Variants in PLCL2 observed in about 807,000 individuals in gnomAD.
PLCL2 encodes inactive phospholipase C-like protein 2.
Under a neutral mutation model 79.6 loss-of-function variants are expected in PLCL2, and 4 were observed. The ratio of observed to expected loss-of-function variants is 0.05; its 90% CI spans 0.02 to 0.11. The LOEUF (loss-of-function observed/expected upper bound fraction) is 0.11, where lower values mean the gene tolerates loss of function less well. Ranked by LOEUF, PLCL2 falls within the 10% of genes least tolerant of loss-of-function variation. The pLI is 1.00. For missense variants in PLCL2, 895 were observed against 1,291.0 expected, an observed-to-expected ratio of 0.69 and a Z score of 4.70; for synonymous variants, 484 against 457.7, an observed-to-expected ratio of 1.06 and a Z score of -0.73.
Position 17,067,938 on chromosome 3 carries a change from C to CT in PLCL2, c.3095-12dup. 1 of 1,475,882 alleles carries CT rather than the reference C, an allele frequency of 6.8e-7. No homozygotes were observed. The highest frequency in any genetic ancestry group is 9.4e-7 in the Non-Finnish European group (1 of 1,060,910). 91.4% of individuals were successfully genotyped at this position (1,475,882 alleles called of 1,614,324 possible). ...TTGGATGGGAGTTAATATACTTTGTCTTTTTTATTTCTTTCAGCCATGGAA... is the reference window on the plus strand; with the variant it reads ...TTGGATGGGAGTTAATATACTTTGTCTTTTTTTATTTCTTTCAGCCATGGAA... On this transcript the variant is annotated splice_polypyrimidine_tract_variant and intron_variant, in intron 4 of 5. Transcript: ENST00000615277.
chr3:16,903,990 GC>G (rs1330262476), intron 1 of PLCL2, among the ~76,000 whole-genome samples: 1 of 152,174 alleles, frequency 6.6e-6, no homozygotes, highest in East Asian at 1.9e-4. Context: ...AAAAAATTCA[GC>G]TTTTGTGATC....
At chr3:16,905,759 GCT>G (rs1696735507) in intron 1 of PLCL2, among the ~76,000 whole-genome samples, 3 of 152,218 alleles carry the variant, frequency 2.0e-5, no homozygotes, top group Admixed American at 2.0e-4. Flanking sequence ...AGCAGCTCTA[GCT>G]CACTGTTTAG....
At position 16,904,306 on chromosome 3, in the gene PLCL2, C is replaced by CAAAAAAAAAAAAAAAAAAAAAAAAAAA. The variant is rs547582289; in HGVS notation, c.327+18951_327+18952insAAAAAAAAAAAAAAAAAAAAAAAAAAA. Among the ~76,000 whole-genome samples, 9 of 116,106 alleles carry CAAAAAAAAAAAAAAAAAAAAAAAAAAA rather than the reference C, an allele frequency of 7.8e-5. 1 individual carries two copies. The highest frequency in any genetic ancestry group is 1.7e-4 in the Admixed American group (2 of 11,442). 76.2% of individuals were successfully genotyped at this position (116,106 alleles called of 152,430 possible). ...CCTTAACCTTTTCAAGAGATCTTGA[C>CAAAAAAAAAAAAAAAAAAAAAAAAAAA]AAAAAAAAAAAGCAAACTTTGGAGT... On this transcript the variant is annotated intron_variant, in intron 1 of 5. Coordinates refer to ENST00000615277, the MANE Select transcript of PLCL2 (RefSeq NM_001144382.2).
chr3:16,911,209 C>T (rs545236295), intron 1 of PLCL2, among the ~76,000 whole-genome samples: 4 of 148,070 alleles, frequency 2.7e-5, no homozygotes, highest in Non-Finnish European at 5.9e-5. Flanking sequence ...GCCGAGATAG[C>T]GCCACTGTAT....
chr3:17,085,876 A>G (rs1157533334), intron 5 of PLCL2, among the ~76,000 whole-genome samples: 2 of 152,240 alleles, frequency 1.3e-5, no homozygotes, highest in Non-Finnish European at 2.9e-5. Flanking sequence ...TATGACTTAT[A>G]TGAGGAAAAC....
intron 5 of PLCL2, among the ~76,000 whole-genome samples, chr3:17,083,772 A>C (rs183318790): frequency 1.3e-5 from 2 of 152,300 alleles, no homozygotes; most frequent in African/African-American, 4.8e-5. Flanking sequence ...GAATAATGAC[A>C]CCAGGGTCCT....
chr3:17,086,671 C>T (rs890397532), intron 5 of PLCL2, among the ~76,000 whole-genome samples: 1 of 152,170 alleles, frequency 6.6e-6, no homozygotes, highest in Admixed American at 6.5e-5. Context: ...AAAATACTTG[C>T]AAAGGACACA....
chr3:16,957,500 A>G (rs2063717345), intron 1 of PLCL2, among the ~76,000 whole-genome samples: 1 of 152,094 alleles, frequency 6.6e-6, no homozygotes, highest in South Asian at 2.1e-4. Flanking sequence ...AAAAATGTAT[A>G]TTCTGTTGAT....
In PLCL2 at chr3:17,044,905, G is replaced by A. The variant is rs975279151; in HGVS notation, c.3094+1956G>A. Among the ~76,000 whole-genome samples the A allele has an allele frequency of 3.3e-5, 5 of 152,292 alleles. No individual in the cohort carries two copies. In the South Asian group the frequency reaches 6.2e-4, roughly 19 times the overall value. On this transcript the variant is annotated intron_variant, in intron 4 of 5. Transcript: ENST00000615277. ...AAAAGCTGAAGAATCTTATCTATTA[G>A]GGATTTTGATTAGGATGGGGGGAGA...
chr3:16,982,628 T>A (rs922809628), intron 1 of PLCL2, among the ~76,000 whole-genome samples: 6 of 152,228 alleles, frequency 3.9e-5, no homozygotes, highest in Non-Finnish European at 7.3e-5. Context: ...GTCTAGCGAT[T>A]ATGTCTCCTC....
In PLCL2 at chr3:17,011,193, A is replaced by T; in HGVS notation, c.1847A>T (p.Lys616Ile). Residue 616 changes from lysine (K) to isoleucine (I), a missense_variant, in exon 2 of 6, where the codon AAA becomes ATA. Transcript: ENST00000615277. This position sits in a 1 kb window ranked among gnomAD's most constrained non-coding sequence, Gnocchi z 7.9. ...CCTGTGAAGCGATTTCAGCTTTGTAAAGAACTGTCTGAACTGGTCAGCATC... is the reference window on the plus strand; with the variant it reads ...CCTGTGAAGCGATTTCAGCTTTGTATAGAACTGTCTGAACTGGTCAGCATC... ...NVPVKRFQLC[K>I]ELSELVSICK... 1 of 1,614,186 alleles carries T rather than the reference A, an allele frequency of 6.2e-7. No individual in the cohort carries two copies. Among genetic ancestry groups the T allele is most frequent in the Non-Finnish European group, 8.5e-7 (1 of 1,180,024 alleles).
intron 1 of PLCL2, among the ~76,000 whole-genome samples, chr3:16,914,341 A>G (rs1696945681): frequency 6.6e-6 from 1 of 152,246 alleles, no homozygotes; most frequent in Non-Finnish European, 1.5e-5. Context: ...TGTCTTAAAC[A>G]CTAATATGAT....
chr3:16,898,500 G>A (rs879822467), intron 1 of PLCL2, among the ~76,000 whole-genome samples: 14 of 152,270 alleles, frequency 9.2e-5, no homozygotes, highest in Admixed American at 4.6e-4. Context: ...AATGCTACCC[G>A]GAGGGGTCTG....
At position 17,017,191 on chromosome 3, in the gene PLCL2, C is replaced by T. The variant is rs539156796; in HGVS notation, c.3018+2280C>T. ...GCTCTTAATATGTAACTCTTATTTG[C>T]GTCTAACTGTATCATTATGTTGTTA... On this transcript the variant is annotated intron_variant, in intron 3 of 5. Coordinates refer to ENST00000615277, the MANE Select transcript of PLCL2 (RefSeq NM_001144382.2). Among the ~76,000 whole-genome samples the T allele has an allele frequency of 3.3e-4, 50 of 152,150 alleles. 1 individual carries two copies. In the South Asian group the frequency reaches 9.7e-3, roughly 30 times the overall value.
At chr3:17,036,488 T>G (rs2064656912) in intron 3 of PLCL2, among the ~76,000 whole-genome samples, 1 of 152,196 alleles carries the variant, frequency 6.6e-6, no homozygotes, top group African/African-American at 2.4e-5. Flanking sequence ...CAAACTAAAA[T>G]TCTTCACCCG....
At chr3:16,932,389 AT>A (rs1697425088) in intron 1 of PLCL2, among the ~76,000 whole-genome samples, 1 of 152,104 alleles carries the variant, frequency 6.6e-6, no homozygotes, top group Non-Finnish European at 1.5e-5. Context: ...ATTAGATTGA[AT>A]TTTTTTCTTC....
chr3:16,912,190 A>T (rs913037846), intron 1 of PLCL2, among the ~76,000 whole-genome samples: 2 of 152,150 alleles, frequency 1.3e-5, no homozygotes, highest in African/African-American at 4.8e-5. Flanking sequence ...TTTTTGTTTT[A>T]AAATATTTGA....
intron 1 of PLCL2, among the ~76,000 whole-genome samples, chr3:17,001,354 G>T (rs2064209261): frequency 1.3e-5 from 2 of 151,722 alleles, no homozygotes; most frequent in South Asian, 4.2e-4. Flanking sequence ...TTCTTTTGCT[G>T]TTTTTACAAA....
In PLCL2 at chr3:16,887,699, T is replaced by C. The variant is rs1000324780; in HGVS notation, c.327+2333T>C. Among the ~76,000 whole-genome samples, 2 of 152,070 alleles carry C rather than the reference T, an allele frequency of 1.3e-5. No individual in the cohort carries two copies. The highest frequency in any genetic ancestry group is 2.4e-5 in the African/African-American group (1 of 41,402). On this transcript the variant is annotated intron_variant, in intron 1 of 5. Transcript: ENST00000615277. The surrounding 1 kb of genome is among the most constrained non-coding windows in gnomAD (Gnocchi z 4.1). Reference sequence around the variant, plus strand: ...TTCCAGCATCAGGACAATATCCTAATAGAAAACAAAGTCTTTAACATCAAA... The same window carrying C: ...TTCCAGCATCAGGACAATATCCTAACAGAAAACAAAGTCTTTAACATCAAA...
Sources: allele counts gnomAD v4.1 joint callset (sites outside exome capture counted in the v4.1 genomes callset), GRCh38; gene constraint gnomAD v4.1.1; non-coding constraint Gnocchi (gnomAD v3.1); transcripts MANE v1.5; gene names NCBI Gene and HGNC (gene_info 2026-07-23, HGNC 2026-07-21).